The following FBXO42 variants were observed in gnomAD, a reference collection of about 807,000 sequenced individuals.
The protein encoded by FBXO42 is F-box protein 42.
In FBXO42, 12 loss-of-function variants were observed where a neutral mutation model predicts 71.7. The ratio of observed to expected loss-of-function variants is 0.17; its 90% CI spans 0.11 to 0.27. The LOEUF is 0.27. Among genes scored for constraint, FBXO42 ranks in the 10% least tolerant of loss-of-function variants. The pLI is 1.00. For synonymous variants in FBXO42, 325 were observed against 327.5 expected, an observed-to-expected ratio of 0.99 and a Z score of 0.08; for missense variants, 707 against 911.9, an observed-to-expected ratio of 0.78 and a Z score of 2.89.
chr1:16,250,617 A>G lies in FBXO42; in HGVS notation c.*53T>C. On this transcript the variant is annotated 3_prime_UTR_variant, in exon 10 of 10. Transcript: ENST00000375592. This position sits in a 1 kb window ranked among gnomAD's most constrained non-coding sequence, Gnocchi z 4.7. ...CAATTCTCAGTCCAAATGCTTACAC[A>G]CTGGAAAATTCCAAATTAAAAGCCA... is the stretch of plus-strand genomic sequence containing the variant. The G allele has an allele frequency of 1.9e-6, 3 of 1,561,252 alleles. No homozygotes were observed. Among genetic ancestry groups the G allele is most frequent in the South Asian group, 1.2e-5 (1 of 81,384 alleles).
chr1:16,253,744 G>T lies in FBXO42; in HGVS notation c.768-13C>A. On this transcript the variant is annotated splice_polypyrimidine_tract_variant and intron_variant, in intron 6 of 9. Coordinates refer to ENST00000375592, the MANE Select transcript of FBXO42 (RefSeq NM_018994.3). ...GACATCATTGCTCCTGTGAATTAAGGACAGAAGGATAAAGGTAGTTAGGAG... is the reference window on the plus strand; with the variant it reads ...GACATCATTGCTCCTGTGAATTAAGTACAGAAGGATAAAGGTAGTTAGGAG... 1 of 1,613,032 alleles carries T rather than the reference G, an allele frequency of 6.2e-7. No homozygotes were observed. Among genetic ancestry groups the T allele is most frequent in the Middle Eastern group, 1.7e-4 (1 of 6,060 alleles).
chr1:16,301,055 C>A (rs113277283), intron 3 of FBXO42, among the ~76,000 whole-genome samples: 1 of 151,880 alleles, frequency 6.6e-6, no homozygotes, highest in East Asian at 1.9e-4. Flanking sequence ...GCGCCCACCA[C>A]GCCCAGCTAA....
In FBXO42 at chr1:16,251,653, A is replaced by C. The variant is rs2081593207; in HGVS notation, c.1171T>G (p.Ser391Ala). 1 of 1,614,066 alleles carries C rather than the reference A, an allele frequency of 6.2e-7. No homozygotes were observed. Among genetic ancestry groups the C allele is most frequent in the African/African-American group, 1.3e-5 (1 of 75,002 alleles). The change falls in exon 10 of 10, where the codon TCT becomes GCT. Residue 391 changes from serine to alanine, a missense_variant. Transcript: ENST00000375592. The surrounding 1 kb of genome is among the most constrained non-coding windows in gnomAD (Gnocchi z 4.5). The stretch of plus-strand genomic sequence containing the variant: ...TCCATGCTTCTTACTGGAGACTGAG[A>C]GCGGTACTCTCGGGTTTCAGGAACG... ...ALVPETREYRSQSPVRSMDEA... is the reference protein window; with the variant it reads ...ALVPETREYRAQSPVRSMDEA...
intron 1 of FBXO42, among the ~76,000 whole-genome samples, chr1:16,341,866 G>A (rs1331194644): frequency 1.3e-5 from 2 of 151,474 alleles, no homozygotes; most frequent in East Asian, 3.9e-4. Flanking sequence ...AGCTACTCAG[G>A]AGGCTGAGGA....
rs958864597 is a variant in FBXO42, at chr1:16,309,234, AT to A, written c.251-3316del. On this transcript the variant is annotated intron_variant, in intron 2 of 9. Coordinates refer to ENST00000375592, the MANE Select transcript of FBXO42 (RefSeq NM_018994.3). The stretch of plus-strand genomic sequence containing the variant: ...AGGCACGCGCCACCATACCCAGCTA[AT>A]TTTTTTTTTCTTTTTGTATTTTTAG... Among the ~76,000 whole-genome samples, 454 of 146,514 alleles carry A rather than the reference AT, an allele frequency of 3.1e-3. 1 individual carries two copies. Among genetic ancestry groups the A allele is most frequent in the Non-Finnish European group, 4.9e-3 (329 of 66,542 alleles).
chr1:16,348,493 T>G (rs776285556), intron 1 of FBXO42, among the ~76,000 whole-genome samples: 1 of 151,902 alleles, frequency 6.6e-6, no homozygotes, highest in Non-Finnish European at 1.5e-5. Context: ...GGTCAGGAGT[T>G]CGAGACCAGC....
chr1:16,350,796 A>AG (rs59531912), intron 1 of FBXO42, among the ~76,000 whole-genome samples: 1 of 151,202 alleles, frequency 6.6e-6, no homozygotes, highest in Non-Finnish European at 1.5e-5. Context: ...AAAGAAAGAA[A>AG]ATGGTCAAAT....
intron 4 of FBXO42, among the ~76,000 whole-genome samples, chr1:16,265,881 G>C (rs1303144455): frequency 6.6e-6 from 1 of 151,984 alleles, no homozygotes; most frequent in African/African-American, 2.4e-5. Flanking sequence ...TTGGCTCTGA[G>C]TACAGGTGTC....
At chr1:16,316,197 AAAAG>A (rs1187448219) in intron 1 of FBXO42, among the ~76,000 whole-genome samples, 1 of 151,646 alleles carries the variant, frequency 6.6e-6, no homozygotes, top group African/African-American at 2.4e-5. Context: ...AGAAAGAAAG[AAAAG>A]AAAGAACAGT....
chr1:16,279,465 T>C (rs1047592813), intron 4 of FBXO42, among the ~76,000 whole-genome samples: 1 of 152,160 alleles, frequency 6.6e-6, no homozygotes, highest in Admixed American at 6.6e-5. Flanking sequence ...GGAAGAGATA[T>C]CTTGTCTACA....
intron 1 of FBXO42, among the ~76,000 whole-genome samples, chr1:16,332,596 A>G (rs1404842912): frequency 2.7e-5 from 4 of 148,974 alleles, no homozygotes; most frequent in Admixed American, 1.4e-4. Flanking sequence ...GCTGGAGTGC[A>G]GTGGCACAAC....
At chr1:16,339,593 G>A (rs2082584183) in intron 1 of FBXO42, among the ~76,000 whole-genome samples, 1 of 152,170 alleles carries the variant, frequency 6.6e-6, no homozygotes, top group South Asian at 2.1e-4. Flanking sequence ...TTACAGGCAT[G>A]AGCCACCACA....
intron 4 of FBXO42, among the ~76,000 whole-genome samples, chr1:16,280,802 C>T (rs1396476330): frequency 2.6e-5 from 4 of 151,898 alleles, no homozygotes; most frequent in Non-Finnish European, 4.4e-5. Context: ...AAAAGAAGAA[C>T]GAAAACTACT....
chr1:16,330,508 C>T (rs779381956), intron 1 of FBXO42, among the ~76,000 whole-genome samples: 2 of 151,570 alleles, frequency 1.3e-5, no homozygotes, highest in Non-Finnish European at 2.9e-5. Flanking sequence ...TCCTGTCCCC[C>T]ACAAAAATTA....
Position 16,253,152 on chromosome 1 carries a change from T to A in FBXO42, c.865A>T (p.Ile289Phe), listed in dbSNP as rs775392941. ...SPHPRGGQSQ[I>F]VIDDATILIL... Reference sequence around the variant, plus strand: ...AAGATAGTTGCATCATCTATGACAATCTGAGGAGGGGAAGACATTGAAAAT... The same window carrying A: ...AAGATAGTTGCATCATCTATGACAAACTGAGGAGGGGAAGACATTGAAAAT... The change falls in exon 8 of 10, where the codon ATT (isoleucine) becomes TTT (phenylalanine). Residue 289 changes from isoleucine to phenylalanine, a missense_variant and splice_region_variant. Transcript: ENST00000375592. The A allele has an allele frequency of 6.2e-7, 1 of 1,612,812 alleles. No homozygotes were observed. Among genetic ancestry groups the A allele is most frequent in the South Asian group, 1.1e-5 (1 of 90,752 alleles).
chr1:16,320,759 A>G (rs2082404397), intron 1 of FBXO42, among the ~76,000 whole-genome samples: 1 of 151,742 alleles, frequency 6.6e-6, no homozygotes, highest in Admixed American at 6.6e-5. Flanking sequence ...ACAGGGTTTC[A>G]CCATGTTAGC....
At chr1:16,341,603 G>C (rs1272342971) in intron 1 of FBXO42, among the ~76,000 whole-genome samples, 2 of 93,630 alleles carry the variant, frequency 2.1e-5, no homozygotes, top group African/African-American at 8.6e-5. Flanking sequence ...GTGAGACTGC[G>C]TCTTTTAAAA....
chr1:16,335,683 T>C (rs556195989), intron 1 of FBXO42, among the ~76,000 whole-genome samples: 1 of 151,846 alleles, frequency 6.6e-6, no homozygotes, highest in Non-Finnish European at 1.5e-5. Context: ...CTGGCCAGCA[T>C]GGTGAAACAC....
chr1:16,290,969 G>A (rs1030339668), intron 4 of FBXO42, among the ~76,000 whole-genome samples: 8 of 152,160 alleles, frequency 5.3e-5, no homozygotes, highest in Non-Finnish European at 1.5e-5. Context: ...AAATACACAT[G>A]TAAAAAGACA....
Sources: gnomAD v4.1 joint callset for allele counts (sites outside exome capture counted in the v4.1 genomes callset) on GRCh38, gnomAD v4.1.1 for gene constraint, Gnocchi (gnomAD v3.1) non-coding constraint, MANE v1.5 for transcripts, NCBI Gene and HGNC (gene_info 2026-07-23, HGNC 2026-07-21) for gene names.